Variants in MDN1 observed in about 807,000 individuals in gnomAD.
MDN1 encodes midasin.
Under a neutral mutation model 669.2 loss-of-function variants are expected in MDN1, and 266 were observed. The observed-to-expected ratio is 0.40, with a 90% CI of 0.36 to 0.44. The LOEUF (loss-of-function observed/expected upper bound fraction) is 0.44. Ranked by LOEUF, MDN1 falls within the 20% of genes least tolerant of loss-of-function variation. The probability of loss-of-function intolerance (pLI) is 1.00; values close to 1 mark genes in which losing one functional copy is unlikely to be tolerated. For missense variants in MDN1, 5,940 were observed against 6,754.0 expected (o/e 0.88, Z 4.22); for synonymous variants, 2,385 against 2,457.1 (o/e 0.97, Z 0.87).
At position 89,643,033 on chromosome 6, in the gene MDN1, C is replaced by T. The variant is rs1808265377; in HGVS notation, c.*972G>A. On this transcript the variant is annotated 3_prime_UTR_variant, in exon 102 of 102. Transcript: ENST00000369393. The stretch of plus-strand genomic sequence containing the variant: ...TGACAGAACATTAAGTAGAACAGAG[C>T]ACACAGTTTCAAGTATTCAGCACTG... The T allele has an allele frequency of 6.6e-6, 1 of 152,174 alleles. No homozygotes were observed. The highest frequency in any genetic ancestry group is 6.5e-5 in the Admixed American group (1 of 15,288). The allele number at this position is 152,174 out of a possible 1,614,324, so 9.4% of individuals were successfully genotyped here. A position where few individuals can be genotyped will look rare whatever the true frequency, so the allele number is the denominator to read the frequency against.
chr6:89,775,043 A>G (rs1433045913), intron 12 of MDN1, among the ~76,000 whole-genome samples: 1 of 152,206 alleles, frequency 6.6e-6, no homozygotes, highest in Non-Finnish European at 1.5e-5. Flanking sequence ...AGGTAAGAAA[A>G]AAAAATCAGA....
At chr6:89,690,384 T>A (rs1812302299) in intron 64 of MDN1, among the ~76,000 whole-genome samples, 1 of 152,026 alleles carries the variant, frequency 6.6e-6, no homozygotes, top group African/African-American at 2.4e-5. Flanking sequence ...ACAGCCTGGG[T>A]GACATAGTGA....
chr6:89,698,692 A>T (rs1812942538), intron 59 of MDN1, among the ~76,000 whole-genome samples, 173 bp downstream of exon 59: 4 of 152,270 alleles, frequency 2.6e-5, no homozygotes, highest in Admixed American at 2.6e-4. Flanking sequence ...CAAATTATTT[A>T]ACATGGTATA....
intron 90 of MDN1, among the ~76,000 whole-genome samples, 190 bp downstream of exon 90, chr6:89,658,019 T>A (rs1377150023): frequency 6.6e-6 from 1 of 152,236 alleles, no homozygotes; most frequent in Non-Finnish European, 1.5e-5. Flanking sequence ...TGTATCCCTG[T>A]CTTTAAAAAA....
chr6:89,680,712 C>A lies in MDN1; in HGVS notation c.12142G>T (p.Gly4048Cys), dbSNP rs111944113. 3 of 1,614,130 alleles carry A rather than the reference C, an allele frequency of 1.9e-6. No individual in the cohort carries two copies. The highest frequency in any genetic ancestry group is 2.5e-6 in the Non-Finnish European group (3 of 1,180,016). ...PEWCQGAAPS[G>C]LEGELLRRLP... ...CGACGCAGAAGCTCCCCTTCCAAGC[C>A]GGAAGGAGCAGCGCCCTGACACCAC... Residue 4048 changes from glycine (G) to cysteine (C), a missense_variant, in exon 74 of 102, where the codon GGC (glycine) becomes TGC (cysteine). By Grantham distance (159) the Gly-to-Cys change is radical (BLOSUM62 -3). Coordinates refer to ENST00000369393, the MANE Select transcript of MDN1 (RefSeq NM_014611.3).
At chr6:89,649,773 A>G (rs923812480) in intron 97 of MDN1, among the ~76,000 whole-genome samples, 6 of 152,242 alleles carry the variant, frequency 3.9e-5, no homozygotes, top group Non-Finnish European at 7.3e-5. Flanking sequence ...AACAATGTAA[A>G]AGACCTACAA....
chr6:89,802,191 T>C (rs1221975742), intron 2 of MDN1, among the ~76,000 whole-genome samples: 2 of 152,180 alleles, frequency 1.3e-5, no homozygotes, highest in East Asian at 3.9e-4. Context: ...TTTACTTGGC[T>C]GTATATTTTC....
At position 89,772,696 on chromosome 6, in the gene MDN1, G is replaced by A. The variant is rs756845451; in HGVS notation, c.1960C>T (p.Arg654Trp). Residue 654 changes from arginine (R) to tryptophan (W), a missense_variant, in exon 14 of 102, where the codon CGG (arginine) becomes TGG (tryptophan). Around this residue, in one of 5 missense-constraint regions of MDN1, gnomAD observed 1,203 missense variants for 1,268.9 expected, o/e 0.95. Transcript: ENST00000369393. Reference protein sequence around the residue: ...QREKFTFAATRPSSVLIEQLA... With the variant: ...QREKFTFAATWPSSVLIEQLA... ...TGCTCGATGAGAACAGAGGACGGCCGTGTAGCAGCGAAAGTGAACTTCTCC... is the reference window on the plus strand; with the variant it reads ...TGCTCGATGAGAACAGAGGACGGCCATGTAGCAGCGAAAGTGAACTTCTCC... 8.7e-6 allele frequency: 14 copies of A among 1,613,586 alleles called. No individual in the cohort carries two copies. The highest frequency in any genetic ancestry group is 3.3e-5 in the South Asian group (3 of 91,036).
At position 89,718,495 on chromosome 6, in the gene MDN1, G is replaced by C; in HGVS notation, c.6454C>G (p.Leu2152Val). Residue 2152 changes from leucine to valine, a missense_variant, in exon 43 of 102, where the codon CTG (leucine) becomes GTG (valine). By Grantham distance (32) the Leu-to-Val change is conservative. Transcript: ENST00000369393. ...VVLRAWSHFLLTYKPKCLGEG... is the reference protein window; with the variant it reads ...VVLRAWSHFLVTYKPKCLGEG... ...CCAAGACACTTAGGCTTATATGTCAGAAGAAAATGACTCCAGGCTCGCAGC... is the reference window on the plus strand; with the variant it reads ...CCAAGACACTTAGGCTTATATGTCACAAGAAAATGACTCCAGGCTCGCAGC... The C allele has an allele frequency of 3.1e-6, 5 of 1,614,170 alleles. No individual in the cohort carries two copies. The highest frequency in any genetic ancestry group is 4.2e-6 in the Non-Finnish European group (5 of 1,180,034).
chr6:89,680,520 A>G (rs1811535756), intron 74 of MDN1, 69 bp downstream of exon 74: 1 of 1,555,326 alleles, frequency 6.4e-7, no homozygotes, highest in Admixed American at 1.9e-5. Context: ...CAGTTGCCAC[A>G]TTCTCAGCCC....
At chr6:89,781,994 T>C (rs919596717) in intron 9 of MDN1, among the ~76,000 whole-genome samples, 1 of 151,712 alleles carries the variant, frequency 6.6e-6, no homozygotes, top group African/African-American at 2.4e-5. Flanking sequence ...AAATAAAACA[T>C]AAAAATAAAA....
At chr6:89,807,460 A>G (rs1399501335) in intron 1 of MDN1, among the ~76,000 whole-genome samples, 1 of 152,164 alleles carries the variant, frequency 6.6e-6, no homozygotes, top group African/African-American at 2.4e-5. Context: ...AGTCATTTTT[A>G]TCTTTGCTCC....
chr6:89,789,206 AT>A (rs1185182193), intron 7 of MDN1, among the ~76,000 whole-genome samples: 3 of 152,292 alleles, frequency 2.0e-5, no homozygotes, highest in Admixed American at 1.3e-4. Flanking sequence ...CCTGCAATAC[AT>A]TTTTTGTCAC....
intron 29 of MDN1, among the ~76,000 whole-genome samples, chr6:89,744,008 C>G (rs1816433738): frequency 6.7e-6 from 1 of 150,194 alleles, no homozygotes; most frequent in African/African-American, 2.5e-5. Context: ...GAGGCTGAGG[C>G]AGGAGAATCA....
Position 89,695,717 on chromosome 6 carries a change from C to G in MDN1, c.9659G>C (p.Arg3220Pro). The G allele has an allele frequency of 6.2e-7, 1 of 1,613,768 alleles. No individual in the cohort carries two copies. Among genetic ancestry groups the G allele is most frequent in the Non-Finnish European group, 8.5e-7 (1 of 1,180,024 alleles). The stretch of plus-strand genomic sequence containing the variant: ...GCCGAGGCTCACCCAGAGGCTCCCA[C>G]GCTGGGCTGGCTCAGGCAGGCTCCT... ...SKRSLPEPAQRGSLWVSLGLL... is the reference protein window; with the variant it reads ...SKRSLPEPAQPGSLWVSLGLL... The change falls in exon 61 of 102, where the codon CGT becomes CCT. Residue 3220 changes from arginine (R) to proline (P), a missense_variant. Coordinates refer to ENST00000369393, the MANE Select transcript of MDN1 (RefSeq NM_014611.3). This position sits in a 1 kb window ranked among gnomAD's most constrained non-coding sequence, Gnocchi z 4.1.
intron 14 of MDN1, 47 bp from the exon 15 acceptor site, chr6:89,771,668 C>A (rs188919610): frequency 1.6e-5 from 24 of 1,480,694 alleles, no homozygotes; most frequent in Non-Finnish European, 6.6e-6. Context: ...ATTTAAAGAC[C>A]GATAATATCC....
At chr6:89,803,678 T>G in intron 1 of MDN1, 124 bp from the exon 2 acceptor site, 1 of 702,190 alleles carries the variant, frequency 1.4e-6, no homozygotes, top group Non-Finnish European at 2.3e-6. Flanking sequence ...ACCTCCCGGG[T>G]TCATGCCATT....
chr6:89,786,573 T>C (rs1242298916), intron 8 of MDN1, among the ~76,000 whole-genome samples: 1 of 151,852 alleles, frequency 6.6e-6, no homozygotes, highest in South Asian at 2.1e-4. Context: ...AGCCACTGCA[T>C]TCCAGCCTGG....
intron 68 of MDN1, 64 bp from the exon 69 acceptor site, chr6:89,687,087 A>C: frequency 6.3e-7 from 1 of 1,589,162 alleles, no homozygotes; most frequent in Non-Finnish European, 8.5e-7. Flanking sequence ...GAAACCAAAG[A>C]TGCAGAAGCT....
Sources: gnomAD v4.1 joint callset for allele counts (sites outside exome capture counted in the v4.1 genomes callset) on GRCh38, gnomAD v4.1.1 for gene constraint, gnomAD v4.1.1 regional missense constraint, Gnocchi (gnomAD v3.1) non-coding constraint, MANE v1.5 for transcripts, NCBI Gene and HGNC (gene_info 2026-07-23, HGNC 2026-07-21) for gene names.